The following TRIM49C variants were observed in gnomAD, a reference collection of about 807,000 sequenced individuals.
TRIM49C encodes the protein tripartite motif containing 49C.
Under a neutral mutation model 21.4 loss-of-function variants are expected in TRIM49C, and 6 were observed. That is an observed-to-expected ratio of 0.28 (90% CI 0.15 to 0.55). The LOEUF (loss-of-function observed/expected upper bound fraction) is 0.55. Ranked by LOEUF, TRIM49C falls within the 20% of genes least tolerant of loss-of-function variation. The pLI, the probability that TRIM49C is intolerant of heterozygous loss-of-function variation, is 0.94. For synonymous variants in TRIM49C, 57 were observed against 148.1 expected (o/e 0.38, Z 4.47); for missense variants, 161 against 442.4 (o/e 0.36, Z 5.71).
chr11:90,057,114 TA>T, the TRIM49C span, among the ~76,000 whole-genome samples: 4 of 139,976 alleles, frequency 2.9e-5, no homozygotes, highest in Non-Finnish European at 4.6e-5. Flanking sequence ...TAAATCAGAT[TA>T]AAAAAAGAAC....
the TRIM49C span, among the ~76,000 whole-genome samples, chr11:90,070,925 C>A: frequency 7.1e-6 from 1 of 140,000 alleles, no homozygotes; most frequent in Non-Finnish European, 1.6e-5. Flanking sequence ...TCCCTAGTAG[C>A]TGGGACTAAA....
the TRIM49C span, among the ~76,000 whole-genome samples, chr11:90,056,299 T>C: frequency 1.5e-5 from 2 of 134,020 alleles, no homozygotes; most frequent in Admixed American, 8.5e-5. Context: ...AATTTTGTTC[T>C]TTCTACTGCA....
the TRIM49C span, chr11:90,063,074 G>A: frequency 3.0e-6 from 4 of 1,326,408 alleles, 1 homozygote; most frequent in African/African-American, 1.8e-5. Flanking sequence ...AGGAAAAAAA[G>A]GCCGGTGGAC....
Position 90,033,657 on chromosome 11 carries a change from C to T in TRIM49C, c.-5+1075C>T, listed in dbSNP as rs376775431. ...TTCTATCATATTAAAACAATGAAAC[C>T]GCCTGGCTGGGCACTGTGGCGCGTG... is the stretch of plus-strand genomic sequence containing the variant. On this transcript the variant is annotated intron_variant, in intron 2 of 7. Coordinates refer to ENST00000448984, the MANE Select transcript of TRIM49C (RefSeq NM_001195234.1). 4.4e-5 allele frequency among the ~76,000 whole-genome samples: 6 copies of T among 134,852 alleles called. 1 individual carries two copies. The highest frequency in any genetic ancestry group is 1.1e-4 in the African/African-American group (4 of 37,648). The allele number at this position is 134,852 out of a possible 152,430, so 88.5% of individuals were successfully genotyped here.
At chr11:90,044,638 T>C (rs1950790027), downstream of TRIM49C, among the ~76,000 whole-genome samples, 1 of 101,940 alleles carries the variant, frequency 9.8e-6, no homozygotes, top group Non-Finnish European at 1.9e-5. Flanking sequence ...TTTTTTCTTG[T>C]AAATTTGTTC....
At chr11:90,056,102 G>A in the TRIM49C span, among the ~76,000 whole-genome samples, 2 of 135,404 alleles carry the variant, frequency 1.5e-5, 1 homozygote, top group African/African-American at 5.3e-5. Flanking sequence ...GGGACTACAG[G>A]CGCCCGCCAC....
At chr11:90,056,189 T>G in the TRIM49C span, among the ~76,000 whole-genome samples, 6 of 137,078 alleles carry the variant, frequency 4.4e-5, 2 homozygotes, top group Non-Finnish European at 9.5e-5. Context: ...CTCGATCTCC[T>G]GACCTTGTGA....
the TRIM49C span, among the ~76,000 whole-genome samples, chr11:90,056,056 T>C: frequency 7.5e-6 from 1 of 133,554 alleles, no homozygotes; most frequent in African/African-American, 2.7e-5. Context: ...CCTCCCAGGT[T>C]CACGCCATTC....
chr11:90,045,162 T>C (rs1341643344), downstream of TRIM49C, among the ~76,000 whole-genome samples: 2 of 138,118 alleles, frequency 1.4e-5, no homozygotes, highest in Admixed American at 1.7e-4. Flanking sequence ...AGTCCGATGC[T>C]GTTTTGGTTA....
chr11:90,060,002 G>T, the TRIM49C span, among the ~76,000 whole-genome samples: 1 of 138,674 alleles, frequency 7.2e-6, no homozygotes, highest in East Asian at 2.2e-4. Context: ...GGTATGGTTG[G>T]TCAGGATGGA....
At chr11:90,056,033 A>C in the TRIM49C span, among the ~76,000 whole-genome samples, 1 of 122,310 alleles carries the variant, frequency 8.2e-6, no homozygotes, top group Non-Finnish European at 1.7e-5. Context: ...ATCTTGGCTC[A>C]CTGCAAGCTC....
In TRIM49C at chr11:90,040,965, G is replaced by A. The variant is rs1263918870; in HGVS notation, c.860-86G>A. The A allele has an allele frequency of 6.2e-6, 9 of 1,452,542 alleles. 1 individual carries two copies. Among genetic ancestry groups the A allele is most frequent in the African/African-American group, 5.8e-5 (4 of 69,330 alleles). The allele number at this position is 1,452,542 out of a possible 1,614,324, so 90.0% of individuals were successfully genotyped here. A position where few individuals can be genotyped will look rare whatever the true frequency, so the allele number is the denominator to read the frequency against. On this transcript the variant is annotated intron_variant, in intron 7 of 7. Transcript: ENST00000448984. ...AACTTTTTATGACTTTACATTTGCT[G>A]GTAAAGTAACTTCTTGATAGAACAA...
the TRIM49C span, among the ~76,000 whole-genome samples, chr11:90,055,050 G>A: frequency 2.0e-5 from 3 of 148,312 alleles, no homozygotes; most frequent in Non-Finnish European, 4.5e-5. Flanking sequence ...AGGAGTGCTG[G>A]GTTGGAGCCC....
the TRIM49C span, chr11:90,057,939 C>G: frequency 6.6e-7 from 1 of 1,522,370 alleles, no homozygotes; most frequent in Non-Finnish European, 8.8e-7. Context: ...GTAATGCTTG[C>G]CAGAGGTGAA....
At chr11:90,048,012 T>A in the TRIM49C span, among the ~76,000 whole-genome samples, 1 of 112,680 alleles carries the variant, frequency 8.9e-6, no homozygotes, top group East Asian at 2.8e-4. Flanking sequence ...GGAGTTTATT[T>A]CTCCTTCACT....
the TRIM49C span, among the ~76,000 whole-genome samples, chr11:90,067,882 A>G: frequency 1.5e-5 from 2 of 136,188 alleles, no homozygotes; most frequent in African/African-American, 5.2e-5. Context: ...TTTCATGTTG[A>G]GTAATCAGAG....
At chr11:90,035,129 A>G (rs1232001851) in intron 2 of TRIM49C, 79 bp from the exon 3 acceptor site, 2 of 1,532,840 alleles carry the variant, frequency 1.3e-6, no homozygotes, top group African/African-American at 1.4e-5. Flanking sequence ...AGAAAATATA[A>G]CTATCACATA....
chr11:90,048,662 T>C, the TRIM49C span, among the ~76,000 whole-genome samples: 235 of 133,712 alleles, frequency 1.8e-3, 2 homozygotes, highest in East Asian at 5.3e-3. Flanking sequence ...TAGTTAGCCA[T>C]TCATCTAATC....
the TRIM49C span, among the ~76,000 whole-genome samples, chr11:90,060,033 C>T: frequency 1.6e-4 from 22 of 139,168 alleles, no homozygotes; most frequent in African/African-American, 6.1e-4. Flanking sequence ...AACCAAACTT[C>T]CGAATGGCAA....
Sources: gnomAD v4.1 joint callset for allele counts (sites outside exome capture counted in the v4.1 genomes callset) on GRCh38, gnomAD v4.1.1 for gene constraint, MANE v1.5 for transcripts, NCBI Gene and HGNC (gene_info 2026-07-23, HGNC 2026-07-21) for gene names.